WDSUB1: variants seen among roughly 807,000 people sequenced by gnomAD.
WDSUB1 encodes the protein WD repeat, sterile alpha motif and U-box domain containing 1.
WDSUB1 carries 49 observed loss-of-function variants against 53.9 expected under a neutral mutation model. The observed-to-expected ratio is 0.91, with a 90% CI of 0.72 to 1.15. The LOEUF (loss-of-function observed/expected upper bound fraction) is 1.15. WDSUB1 is among the 50% of genes most tolerant of loss of function. WDSUB1 has a pLI of 0.00. For missense variants in WDSUB1, 514 were observed against 562.0 expected (o/e 0.91, Z 0.86); for synonymous variants, 194 against 200.6 (o/e 0.97, Z 0.28).
intron 1 of WDSUB1, among the ~76,000 whole-genome samples, chr2:159,285,783 T>C (rs1023394704): frequency 6.6e-6 from 1 of 152,182 alleles, no homozygotes; most frequent in African/African-American, 2.4e-5. Context: ...AAGTTCAGCT[T>C]CTTTTCTTCG....
intron 5 of WDSUB1, among the ~76,000 whole-genome samples, chr2:159,267,197 G>A (rs1442031464): frequency 6.6e-6 from 1 of 151,984 alleles, no homozygotes; most frequent in African/African-American, 2.4e-5. Context: ...TGCTCTTTCT[G>A]TTCCTCAATC....
At chr2:159,245,519 CAA>C (rs1191907700) in intron 10 of WDSUB1, among the ~76,000 whole-genome samples, 1 of 137,388 alleles carries the variant, frequency 7.3e-6, no homozygotes, top group Non-Finnish European at 1.6e-5. Flanking sequence ...GGCAACAGAG[CAA>C]GACTCTGTCT....
At chr2:159,277,954 A>G (rs573088058) in intron 3 of WDSUB1, among the ~76,000 whole-genome samples, 1 of 152,328 alleles carries the variant, frequency 6.6e-6, no homozygotes, top group South Asian at 2.1e-4. Context: ...AATCTCACCT[A>G]GAATTCTCTG....
At chr2:159,246,871 A>C (rs992850246) in intron 10 of WDSUB1, among the ~76,000 whole-genome samples, 1 of 152,188 alleles carries the variant, frequency 6.6e-6, no homozygotes, top group Non-Finnish European at 1.5e-5. Flanking sequence ...AAGCAGCCAG[A>C]CTCAAAAGAG....
At chr2:159,242,946 A>G (rs1310400104) in intron 10 of WDSUB1, among the ~76,000 whole-genome samples, 1 of 148,244 alleles carries the variant, frequency 6.7e-6, no homozygotes, top group Non-Finnish European at 1.5e-5. Context: ...AAAACTGAAA[A>G]AAGATGTATT....
At chr2:159,269,594 G>A (rs898758192) in intron 5 of WDSUB1, among the ~76,000 whole-genome samples, 16 of 152,184 alleles carry the variant, frequency 1.1e-4, no homozygotes, top group African/African-American at 3.9e-4. Context: ...AGCAGCCAGA[G>A]AAAAACACAT....
rs2060679457 is a variant in WDSUB1, at chr2:159,242,414, C to T, written c.1273+5958G>A. On this transcript the variant is annotated intron_variant, in intron 10 of 10. Coordinates refer to ENST00000359774, the MANE Select transcript of WDSUB1 (RefSeq NM_001128212.3). ...GGGTGAGGTGGCTCACACCTGTAAT[C>T]CCAGCATTTTGGGAGGCGGGCAGAT... Among the ~76,000 whole-genome samples, 2 of 145,996 alleles carry T rather than the reference C, an allele frequency of 1.4e-5. 1 individual carries two copies. The highest frequency in any genetic ancestry group is 5.4e-5 in the African/African-American group (2 of 37,118).
At chr2:159,273,429 TA>T (rs1386844991) in intron 4 of WDSUB1, among the ~76,000 whole-genome samples, 27 of 152,250 alleles carry the variant, frequency 1.8e-4, no homozygotes, top group African/African-American at 6.3e-4. Context: ...TTATTTTTAT[TA>T]TTTTTTTTTT....
rs1179211798 is a variant in WDSUB1 at position 159,282,750 on chromosome 2, G to C, written c.320C>G (p.Pro107Arg). The part of the protein sequence containing the change: ...GSPVRVCQFS[P>R]DSTCLASGAA... ...CCCTGATGCCAAACACGTGGAGTCT[G>C]GGGAAAACTGGCAAACCCTCACAGG... Residue 107 changes from proline to arginine, a missense_variant, in exon 2 of 11, where the codon CCA (proline) becomes CGA (arginine). By Grantham distance (103) the Pro-to-Arg change is moderately radical (BLOSUM62 -2). Transcript: ENST00000359774. 6.2e-6 allele frequency: 10 copies of C among 1,614,156 alleles called. No individual in the cohort carries two copies. Among genetic ancestry groups the C allele is most frequent in the Non-Finnish European group, 8.5e-6 (10 of 1,180,026 alleles).
intron 10 of WDSUB1, among the ~76,000 whole-genome samples, 169 bp downstream of exon 10, chr2:159,248,203 A>T (rs996402645): frequency 1.3e-5 from 2 of 152,042 alleles, no homozygotes; most frequent in Non-Finnish European, 2.9e-5. Context: ...TACTCTGTTC[A>T]ATTTCATTAT....
intron 10 of WDSUB1, among the ~76,000 whole-genome samples, chr2:159,243,312 CAGT>C (rs1218329171): frequency 1.4e-5 from 2 of 147,442 alleles, no homozygotes; most frequent in Non-Finnish European, 2.9e-5. Context: ...GGTCGGAAGA[CAGT>C]AGGGAGATCA....
chr2:159,281,614 A>G (rs953971236), intron 2 of WDSUB1, among the ~76,000 whole-genome samples: 4 of 152,188 alleles, frequency 2.6e-5, no homozygotes, highest in African/African-American at 9.7e-5. Context: ...TCATTCATCC[A>G]GCAAGAATTG....
At chr2:159,272,960 A>G (rs1043945851) in intron 4 of WDSUB1, among the ~76,000 whole-genome samples, 2 of 152,162 alleles carry the variant, frequency 1.3e-5, no homozygotes, top group Non-Finnish European at 2.9e-5. Context: ...AGGGGTTGGG[A>G]AAGAAGGAAA....
At chr2:159,264,352 C>T (rs895138873) in intron 5 of WDSUB1, among the ~76,000 whole-genome samples, 7 of 152,212 alleles carry the variant, frequency 4.6e-5, no homozygotes, top group Non-Finnish European at 8.8e-5. Context: ...AGAGAAAAAA[C>T]ATGATTTGCA....
Position 159,248,526 on chromosome 2 carries a change from A to G in WDSUB1, c.1133-14T>C. The G allele has an allele frequency of 2.0e-6, 3 of 1,487,696 alleles. No individual in the cohort carries two copies. In the South Asian group the frequency reaches 4.3e-5, roughly 21 times the overall value. The allele number at this position is 1,487,696 out of a possible 1,614,324, so 92.2% of individuals were successfully genotyped here. A position where few individuals can be genotyped will look rare whatever the true frequency, so the allele number is the denominator to read the frequency against. On this transcript the variant is annotated splice_polypyrimidine_tract_variant and intron_variant, in intron 9 of 10. Transcript: ENST00000359774. ...GTCCTAGAGATTCTGAAAAGAAATTACTGTTAGGGCTGGATAACTACTAGT... is the reference window on the plus strand; with the variant it reads ...GTCCTAGAGATTCTGAAAAGAAATTGCTGTTAGGGCTGGATAACTACTAGT...
intron 2 of WDSUB1, among the ~76,000 whole-genome samples, chr2:159,280,270 T>G (rs1230057960): frequency 6.6e-6 from 1 of 152,166 alleles, no homozygotes; most frequent in Non-Finnish European, 1.5e-5. Context: ...TATGTAAAAC[T>G]TAACCAGAAA....
At chr2:159,247,894 TATATATATATATATAA>T (rs70994278) in intron 10 of WDSUB1, among the ~76,000 whole-genome samples, 3,342 of 43,652 alleles carry the variant, frequency 0.077, 191 homozygotes, top group Non-Finnish European at 0.14. Flanking sequence ...TAAATATATA[TATATATATATATATAA>T]ATATATATAT....
Position 159,236,575 on chromosome 2 carries a change from T to C in WDSUB1, c.1274-385A>G, listed in dbSNP as rs140499879. On this transcript the variant is annotated intron_variant, in intron 10 of 10. Transcript: ENST00000359774. ...GAATCATAAGGCTCTTTTCAACACCTTGAAAAGTCAGGAAAACAGGTACCC... is the reference window on the plus strand; with the variant it reads ...GAATCATAAGGCTCTTTTCAACACCCTGAAAAGTCAGGAAAACAGGTACCC... Among the ~76,000 whole-genome samples the C allele has an allele frequency of 2.0e-3, 304 of 152,296 alleles. 1 individual carries two copies. The highest frequency in any genetic ancestry group is 6.6e-3 in the African/African-American group (275 of 41,576).
At chr2:159,242,833 AAAGTATGAAT>A (rs2060693804) in intron 10 of WDSUB1, among the ~76,000 whole-genome samples, 1 of 148,116 alleles carries the variant, frequency 6.8e-6, no homozygotes, top group African/African-American at 2.6e-5. Context: ...TCATAATTTA[AAAGTATGAAT>A]AAAAATGAGG....
Sources: gnomAD v4.1 joint callset for allele counts (sites outside exome capture counted in the v4.1 genomes callset) on GRCh38, gnomAD v4.1.1 for gene constraint, MANE v1.5 for transcripts, NCBI Gene and HGNC (gene_info 2026-07-23, HGNC 2026-07-21) for gene names.